Variants in FNDC3A observed in about 807,000 individuals in gnomAD.
FNDC3A encodes the protein fibronectin type-III domain-containing protein 3A.
A neutral mutation model predicts 148.9 loss-of-function variants in FNDC3A; 32 were observed. That is an observed-to-expected ratio of 0.21 (90% CI 0.16 to 0.29). The LOEUF (loss-of-function observed/expected upper bound fraction) is 0.29. Among genes scored for constraint, FNDC3A ranks in the 10% least tolerant of loss-of-function variants. The probability of loss-of-function intolerance (pLI) is 1.00; values close to 1 mark genes in which losing one functional copy is unlikely to be tolerated. For missense variants in FNDC3A, 1,191 were observed against 1,452.8 expected, an observed-to-expected ratio of 0.82 and a Z score of 2.93; for synonymous variants, 472 against 473.6, an observed-to-expected ratio of 1.00 and a Z score of 0.04.
chr13:48,983,718 A>C (rs1951736913), intron 1 of FNDC3A, among the ~76,000 whole-genome samples: 1 of 152,208 alleles, frequency 6.6e-6, no homozygotes, highest in South Asian at 2.1e-4. Flanking sequence ...CTATTGCAAA[A>C]AACTTTATAT....
chr13:49,036,510 A>G (rs950443761), intron 2 of FNDC3A, among the ~76,000 whole-genome samples: 1 of 152,178 alleles, frequency 6.6e-6, no homozygotes, highest in African/African-American at 2.4e-5. Flanking sequence ...GATGGATGGT[A>G]GTTAATTGAG....
At chr13:49,111,461 C>A (rs1880565391) in intron 3 of FNDC3A, among the ~76,000 whole-genome samples, 1 of 152,244 alleles carries the variant, frequency 6.6e-6, no homozygotes, top group Non-Finnish European at 1.5e-5. Flanking sequence ...CATGGTGGCT[C>A]ACACCTGTAA....
chr13:49,153,138 A>C (rs1208571795), intron 8 of FNDC3A, among the ~76,000 whole-genome samples: 2 of 151,992 alleles, frequency 1.3e-5, no homozygotes, highest in South Asian at 4.1e-4. Flanking sequence ...CCCAACAACA[A>C]TGTAAAAGTG....
chr13:49,062,896 A>G (rs1876995671), intron 2 of FNDC3A, among the ~76,000 whole-genome samples: 1 of 152,184 alleles, frequency 6.6e-6, no homozygotes, highest in Admixed American at 6.5e-5. Flanking sequence ...AGATTTTTAC[A>G]TAAATGAATA....
intron 8 of FNDC3A, among the ~76,000 whole-genome samples, chr13:49,159,633 TG>T (rs1883961168): frequency 6.6e-6 from 1 of 152,202 alleles, no homozygotes; most frequent in East Asian, 1.9e-4. Flanking sequence ...CTGATTGCCC[TG>T]GCCAGAACTT....
At chr13:49,072,659 AT>A (rs1877775969) in intron 2 of FNDC3A, among the ~76,000 whole-genome samples, 1 of 152,024 alleles carries the variant, frequency 6.6e-6, no homozygotes, top group African/African-American at 2.4e-5. Flanking sequence ...AATAATTATT[AT>A]TTAATTGCAG....
chr13:49,061,828 CCA>C (rs1876917994), intron 2 of FNDC3A, among the ~76,000 whole-genome samples: 2 of 99,232 alleles, frequency 2.0e-5, no homozygotes, highest in Non-Finnish European at 2.0e-5. Flanking sequence ...CTCTCCTCTC[CCA>C]AGCTGGTCTC....
intron 3 of FNDC3A, among the ~76,000 whole-genome samples, chr13:49,097,562 G>A (rs1879611809): frequency 2.0e-5 from 3 of 152,058 alleles, no homozygotes; most frequent in Admixed American, 2.0e-4. Flanking sequence ...CCTGGGAAGT[G>A]CCAGTCTTAC....
At chr13:48,987,857 T>C (rs1452213403) in intron 1 of FNDC3A, 1 of 152,206 alleles carries the variant, frequency 6.6e-6, no homozygotes, top group Admixed American at 6.5e-5. Context: ...TATATAAAAA[T>C]GTTATGGCAC....
At chr13:49,098,587 G>A (rs1384566369) in intron 3 of FNDC3A, among the ~76,000 whole-genome samples, 1 of 152,116 alleles carries the variant, frequency 6.6e-6, no homozygotes, top group African/African-American at 2.4e-5. Flanking sequence ...AGAAACAGGT[G>A]CTTGGTAAAC....
At chr13:49,032,436 T>C (rs538611234) in intron 2 of FNDC3A, among the ~76,000 whole-genome samples, 1 of 152,352 alleles carries the variant, frequency 6.6e-6, no homozygotes, top group East Asian at 1.9e-4. Flanking sequence ...GGAATATTAT[T>C]ATTTGGCTGT....
rs1593634210 is a variant in FNDC3A, at chr13:49,131,283, A to G, written c.399A>G (p.Pro133=). ...TCCCAACTATGATGCCGCCTCCACC[A>G]CGTCATATGTACTCACCCGTGACTG... ...IPVPTMMPPP[P]RHMYSPVTGA... Residue 133 remains proline (P), a synonymous_variant, in exon 5 of 26, where the codon CCA becomes CCG. Transcript: ENST00000492622. 3 of 1,613,926 alleles carry G rather than the reference A, an allele frequency of 1.9e-6. No homozygotes were observed. In the Middle Eastern group the frequency reaches 4.9e-4, roughly 266 times the overall value.
intron 2 of FNDC3A, among the ~76,000 whole-genome samples, chr13:49,032,211 C>T (rs1292096948): frequency 6.6e-6 from 1 of 152,128 alleles, no homozygotes; most frequent in East Asian, 1.9e-4. Flanking sequence ...GGTAAATGTA[C>T]TTTGGGAAAT....
intron 3 of FNDC3A, among the ~76,000 whole-genome samples, chr13:49,087,559 T>C (rs1293711845): frequency 6.6e-6 from 1 of 151,922 alleles, no homozygotes; most frequent in Non-Finnish European, 1.5e-5. Flanking sequence ...TGACTTGGAA[T>C]AGGGAAAAAA....
At chr13:49,064,523 A>T (rs1256201283) in intron 2 of FNDC3A, among the ~76,000 whole-genome samples, 1 of 151,686 alleles carries the variant, frequency 6.6e-6, no homozygotes, top group East Asian at 1.9e-4. Context: ...GAAAGAGATC[A>T]CTGAGAGTAT....
Position 49,208,369 on chromosome 13 carries a change from C to G in FNDC3A, c.*974C>G, listed in dbSNP as rs927788051. The G allele has an allele frequency of 6.6e-5, 10 of 152,668 alleles. No individual in the cohort carries two copies. Among genetic ancestry groups the G allele is most frequent in the Non-Finnish European group, 1.5e-4 (10 of 68,034 alleles). 9.5% of individuals were successfully genotyped at this position (152,668 alleles called of 1,614,324 possible). A position where few individuals can be genotyped will look rare whatever the true frequency, so the allele number is the denominator to read the frequency against. ...TAAGTTTCTGCTGCTTCTCCCATAA[C>G]TGCTGCCACCACCATCAGAATTCAT... On this transcript the variant is annotated 3_prime_UTR_variant, in exon 26 of 26. Coordinates refer to ENST00000492622, the MANE Select transcript of FNDC3A (RefSeq NM_001079673.2).
intron 1 of FNDC3A, among the ~76,000 whole-genome samples, chr13:48,987,484 C>T (rs1951827995): frequency 6.6e-6 from 1 of 152,044 alleles, no homozygotes; most frequent in African/African-American, 2.4e-5. Context: ...GCTGTATCTC[C>T]TAAATGTCTA....
Position 49,152,287 on chromosome 13 carries a change from G to T in FNDC3A, c.977+6352G>T, listed in dbSNP as rs536504793. Among the ~76,000 whole-genome samples the T allele has an allele frequency of 8.3e-4, 126 of 152,106 alleles. 1 individual carries two copies. The highest frequency in any genetic ancestry group is 2.9e-3 in the African/African-American group (122 of 41,488). On this transcript the variant is annotated intron_variant, in intron 8 of 25. Transcript: ENST00000492622. Reference sequence around the variant, plus strand: ...CACCATTCTAACTGGTGTGAGATGGGATCTCATTGTGGTTTTGATTTGCAT... The same window carrying T: ...CACCATTCTAACTGGTGTGAGATGGTATCTCATTGTGGTTTTGATTTGCAT...
At chr13:49,160,796 T>C (rs964809400) in intron 8 of FNDC3A, among the ~76,000 whole-genome samples, 2 of 151,750 alleles carry the variant, frequency 1.3e-5, no homozygotes, top group African/African-American at 4.8e-5. Context: ...TTTGAATGTG[T>C]CCCAGAGAAT....
Sources: allele counts gnomAD v4.1 joint callset (sites outside exome capture counted in the v4.1 genomes callset), GRCh38; gene constraint gnomAD v4.1.1; transcripts MANE v1.5; gene names NCBI Gene and HGNC (gene_info 2026-07-23, HGNC 2026-07-21).